The following NFASC variants were observed in gnomAD, a reference collection of about 807,000 sequenced individuals.
The protein encoded by NFASC is neurofascin homolog.
NFASC carries 43 observed loss-of-function variants against 147.5 expected under a neutral mutation model. That is an observed-to-expected ratio of 0.29 (90% CI 0.23 to 0.38). The LOEUF is 0.38. Ranked by LOEUF, NFASC falls within the 10% of genes least tolerant of loss-of-function variation. NFASC has a pLI of 1.00. For missense variants in NFASC, 1,320 were observed against 1,689.0 expected (o/e 0.78, Z 3.83); for synonymous variants, 622 against 665.5 (o/e 0.93, Z 1.01).
chr1:204,839,338 T>C (rs1674610186), intron 1 of NFASC, among the ~76,000 whole-genome samples: 1 of 149,986 alleles, frequency 6.7e-6, no homozygotes, highest in Non-Finnish European at 1.5e-5. Flanking sequence ...GCTCCCAGTC[T>C]AAAGGGAGAG....
chr1:204,944,499 C>A, intron 3 of NFASC, 93 bp downstream of exon 3: 2 of 975,586 alleles, frequency 2.1e-6, no homozygotes, highest in Non-Finnish European at 3.0e-6. Flanking sequence ...TCAGATAATC[C>A]AAGGAGATTG....
chr1:204,897,055 C>G (rs936474202), intron 1 of NFASC, among the ~76,000 whole-genome samples: 4 of 151,944 alleles, frequency 2.6e-5, no homozygotes, highest in South Asian at 4.2e-4. Flanking sequence ...TAGGTTCCCC[C>G]CCTTCCCCCC....
intron 1 of NFASC, among the ~76,000 whole-genome samples, chr1:204,867,578 C>T (rs1226778168): frequency 2.0e-5 from 3 of 152,034 alleles, no homozygotes. Flanking sequence ...CAGATAGATC[C>T]CCTGTGCCTG....
At chr1:205,009,717 A>G in intron 28 of NFASC, 29 bp downstream of exon 28, 1 of 1,607,066 alleles carries the variant, frequency 6.2e-7, no homozygotes. Flanking sequence ...GTGGGCTTGC[A>G]GGGTGGGGCA....
In NFASC at chr1:204,968,830, G is replaced by C; in HGVS notation, c.851G>C (p.Gly284Ala). 6.2e-7 allele frequency: 1 copy of C among 1,613,790 alleles called. No homozygotes were observed. Among genetic ancestry groups the C allele is most frequent in the Non-Finnish European group, 8.5e-7 (1 of 1,180,012 alleles). Residue 284 changes from glycine to alanine, a missense_variant, in exon 10 of 30, where the codon GGT becomes GCT. By Grantham distance (60) the Gly-to-Ala change is moderately conservative. Transcript: ENST00000339876. This position sits in a 1 kb window ranked among gnomAD's most constrained non-coding sequence, Gnocchi z 5.4. The part of the protein sequence containing the change: ...PTPDIAWYKK[G>A]GDLPSDKAKF... ...CCAGACATCGCATGGTACAAGAAAG[G>C]TGGGGACCTCCCATCTGATAAGGCC...
chr1:204,945,734 T>G (rs535415467), intron 3 of NFASC, among the ~76,000 whole-genome samples: 102 of 152,338 alleles, frequency 6.7e-4, no homozygotes, highest in Non-Finnish European at 1.3e-3. Flanking sequence ...AAAGGACCTG[T>G]TCCCATGGTA....
rs1432079774 is a variant in NFASC at position 205,019,551 on chromosome 1, A to G, written c.*3012A>G. On this transcript the variant is annotated 3_prime_UTR_variant, in exon 30 of 30. Transcript: ENST00000339876. ...AACTAAGGCCTGAGCTGTGGATACC[A>G]TGGCGCGTGAGTTAGATGTGGTCCC... 6.6e-6 allele frequency: 1 copy of G among 152,176 alleles called. No individual in the cohort carries two copies. Among genetic ancestry groups the G allele is most frequent in the Non-Finnish European group, 1.5e-5 (1 of 68,036 alleles). 9.4% of individuals were successfully genotyped at this position (152,176 alleles called of 1,614,324 possible).
intron 24 of NFASC, among the ~76,000 whole-genome samples, chr1:204,994,307 A>G (rs1246515381): frequency 2.0e-5 from 3 of 152,224 alleles, no homozygotes; most frequent in Non-Finnish European, 4.4e-5. Flanking sequence ...GGGAGGGGAC[A>G]ATGCAGTGTA....
chr1:204,879,033 A>G lies in NFASC; in HGVS notation c.-199-41599A>G, dbSNP rs900269196. 2.0e-5 allele frequency among the ~76,000 whole-genome samples: 3 copies of G among 152,206 alleles called. No homozygotes were observed. The South Asian group carries it at 6.2e-4, about 31-fold the overall frequency. On this transcript the variant is annotated intron_variant, in intron 1 of 29. Coordinates refer to ENST00000339876, the MANE Select transcript of NFASC (RefSeq NM_001005388.3). ...TGGAAAAAAAGAAGGTTATTTGAGG[A>G]TAACCTTCCCCTTAGGGGAATAGCA...
intron 1 of NFASC, among the ~76,000 whole-genome samples, chr1:204,890,949 A>G (rs957419967): frequency 3.3e-5 from 5 of 152,160 alleles, no homozygotes; most frequent in Non-Finnish European, 5.9e-5. Context: ...CAATGGTCTC[A>G]CCCTGGTAGT....
rs768653228 is a variant in NFASC at position 204,968,331 on chromosome 1, C to A, written c.789C>A (p.Asp263Glu). The A allele has an allele frequency of 4.3e-6, 7 of 1,614,138 alleles. No individual in the cohort carries two copies. Among genetic ancestry groups the A allele is most frequent in the South Asian group, 1.1e-5 (1 of 91,084 alleles). Residue 263 changes from aspartate (D) to glutamate (E), a missense_variant, in exon 9 of 30, where the codon GAC becomes GAA. Physicochemically the swap from Asp to Glu is conservative, Grantham distance 45. Around this residue, in one of 3 missense-constraint regions of NFASC, gnomAD observed 981 missense variants for 1,289.5 expected, o/e 0.76. Transcript: ENST00000339876. The surrounding 1 kb of genome is among the most constrained non-coding windows in gnomAD (Gnocchi z 5.4). ...ASSQMVLRGM[D>E]LLLECIASGV... Reference sequence around the variant, plus strand: ...GCCAGATGGTGCTTCGTGGCATGGACCTCCTGCTGGAATGCATCGCCTCCG... The same window carrying A: ...GCCAGATGGTGCTTCGTGGCATGGAACTCCTGCTGGAATGCATCGCCTCCG...
chr1:204,969,268 T>C (rs2095118617), intron 10 of NFASC, among the ~76,000 whole-genome samples: 1 of 152,222 alleles, frequency 6.6e-6, no homozygotes, highest in Non-Finnish European at 1.5e-5. Context: ...CACGGCCCAT[T>C]TGGATCATTC....
intron 2 of NFASC, among the ~76,000 whole-genome samples, chr1:204,937,538 G>A (rs189209811): frequency 2.6e-5 from 4 of 152,200 alleles, no homozygotes; most frequent in African/African-American, 4.8e-5. Flanking sequence ...AATGTCATGC[G>A]GTTGTAACCA....
chr1:204,915,882 G>T (rs995133418), intron 1 of NFASC, among the ~76,000 whole-genome samples: 1 of 152,142 alleles, frequency 6.6e-6, no homozygotes, highest in Non-Finnish European at 1.5e-5. Context: ...GAGAATAAAC[G>T]TTTGCTAAGG....
chr1:204,841,589 A>C (rs1675374514), intron 1 of NFASC, among the ~76,000 whole-genome samples: 1 of 152,138 alleles, frequency 6.6e-6, no homozygotes, highest in Admixed American at 6.5e-5. Flanking sequence ...CCATAGAAGA[A>C]TCACCACCTG....
intron 1 of NFASC, among the ~76,000 whole-genome samples, chr1:204,882,121 A>G (rs1044575281): frequency 2.0e-5 from 3 of 152,168 alleles, no homozygotes; most frequent in African/African-American, 7.2e-5. Flanking sequence ...ACCCTATTGC[A>G]GTGCTCCCTG....
Position 205,001,213 on chromosome 1 carries a change from C to T in NFASC, c.3063C>T (p.Asn1021=). The T allele has an allele frequency of 6.2e-7, 1 of 1,612,698 alleles. No homozygotes were observed. Residue 1021 remains asparagine, a synonymous_variant, in exon 26 of 30, where the codon AAC becomes AAT. Transcript: ENST00000339876. ...QSIWNVTVLP[N]SKWANITWKH... is the part of the protein sequence containing the mutation. ...TATGGAACGTCACGGTGCTCCCCAACAGTAAATGGGCCAACATCACCTGGA... is the reference window on the plus strand; with the variant it reads ...TATGGAACGTCACGGTGCTCCCCAATAGTAAATGGGCCAACATCACCTGGA...
intron 2 of NFASC, among the ~76,000 whole-genome samples, chr1:204,943,805 T>G (rs2093531169): frequency 6.6e-6 from 1 of 152,292 alleles, no homozygotes; most frequent in African/African-American, 2.4e-5. Context: ...GTGCATGGCA[T>G]CTTCTGGTTG....
chr1:204,906,850 AT>A lies in NFASC; in HGVS notation c.-199-13776del, dbSNP rs1231020758. Among the ~76,000 whole-genome samples the A allele has an allele frequency of 1.3e-4, 20 of 152,040 alleles. No homozygotes were observed. The East Asian group carries it at 3.9e-3, about 29-fold the overall frequency. On this transcript the variant is annotated intron_variant, in intron 1 of 29. Transcript: ENST00000339876. The stretch of plus-strand genomic sequence containing the variant: ...AGGCACCCGCCACCCTGCCCGGCTA[AT>A]TTTTTGTATTTTTAGTAGAGACGGG...
Sources: allele counts gnomAD v4.1 joint callset (sites outside exome capture counted in the v4.1 genomes callset), GRCh38; gene constraint gnomAD v4.1.1; regional missense constraint gnomAD v4.1.1; non-coding constraint Gnocchi (gnomAD v3.1); transcripts MANE v1.5; gene names NCBI Gene and HGNC (gene_info 2026-07-23, HGNC 2026-07-21).